The following MAML2 variants were observed in gnomAD, a reference collection of about 807,000 sequenced individuals.
MAML2 encodes mastermind-like protein 2.
Under a neutral mutation model 96.1 loss-of-function variants are expected in MAML2, and 22 were observed. The ratio of observed to expected loss-of-function variants is 0.23; its 90% confidence interval spans 0.16 to 0.33. MAML2 has a LOEUF of 0.33. MAML2 is among the 10% of genes least tolerant of loss of function. The pLI is 1.00. For synonymous variants in MAML2, 561 were observed against 521.3 expected (o/e 1.08, Z -1.04); for missense variants, 1,367 against 1,392.4 (o/e 0.98, Z 0.29).
Position 95,979,700 on chromosome 11 carries a change from T to C in MAML2, c.2719A>G (p.Met907Val), listed in dbSNP as rs375948497. The change falls in exon 5 of 5, where the codon ATG becomes GTG. Residue 907 changes from methionine (M) to valine (V), a missense_variant. Coordinates refer to ENST00000524717, the MANE Select transcript of MAML2 (RefSeq NM_032427.4). ...CCTAAGGTAGGTGGCCGTGGCATCA[T>C]AGGGTTGTTTTGATTTGCTAACAAT... ...KQLLANQNNP[M>V]MPRPPTLGPS... 3.7e-6 allele frequency: 6 copies of C among 1,613,854 alleles called. No homozygotes were observed. The highest frequency in any genetic ancestry group is 2.7e-5 in the African/African-American group (2 of 74,922).
At chr11:96,268,423 G>C (rs759184483) in intron 1 of MAML2, among the ~76,000 whole-genome samples, 19 of 152,300 alleles carry the variant, frequency 1.2e-4, no homozygotes, top group Non-Finnish European at 2.5e-4. Flanking sequence ...GGAGTTTGAG[G>C]TTACAGTGAG....
intron 1 of MAML2, among the ~76,000 whole-genome samples, chr11:96,136,771 T>A (rs1023277322): frequency 6.6e-6 from 1 of 152,234 alleles, no homozygotes; most frequent in African/African-American, 2.4e-5. Flanking sequence ...TTCCTGTAAA[T>A]AACTTTACAC....
At chr11:96,134,595 A>C (rs1860598497) in intron 1 of MAML2, among the ~76,000 whole-genome samples, 1 of 152,250 alleles carries the variant, frequency 6.6e-6, no homozygotes, top group African/African-American at 2.4e-5. Flanking sequence ...TATGTAAATT[A>C]GTCTATACTT....
chr11:96,010,639 G>GT (rs1471880943), intron 2 of MAML2, among the ~76,000 whole-genome samples: 4 of 152,300 alleles, frequency 2.6e-5, no homozygotes, highest in Admixed American at 1.3e-4. Context: ...GAGACACATA[G>GT]TATTTTGAAC....
At chr11:96,126,056 C>T (rs1324601198) in intron 1 of MAML2, among the ~76,000 whole-genome samples, 1 of 152,154 alleles carries the variant, frequency 6.6e-6, no homozygotes. Context: ...AAAAAGCTTT[C>T]CTTCTGATAC....
intron 2 of MAML2, among the ~76,000 whole-genome samples, chr11:96,009,878 C>A (rs1336526821): frequency 1.3e-5 from 2 of 152,114 alleles, no homozygotes; most frequent in African/African-American, 4.8e-5. Context: ...ACCAATTTTA[C>A]AAAAAGGTCA....
intron 1 of MAML2, among the ~76,000 whole-genome samples, chr11:96,184,795 T>C (rs915517980): frequency 6.6e-6 from 1 of 152,018 alleles, no homozygotes; most frequent in African/African-American, 2.4e-5. Flanking sequence ...TTCACCGTGT[T>C]AGCCAGGATG....
At chr11:96,022,653 C>T (rs1328091520) in intron 2 of MAML2, among the ~76,000 whole-genome samples, 1 of 152,184 alleles carries the variant, frequency 6.6e-6, no homozygotes, top group African/African-American at 2.4e-5. Flanking sequence ...TGAGTGCTGG[C>T]TCTGCCACTT....
intron 1 of MAML2, among the ~76,000 whole-genome samples, chr11:96,134,013 G>T (rs1209313148): frequency 6.6e-6 from 1 of 151,788 alleles, no homozygotes; most frequent in African/African-American, 2.4e-5. Context: ...AAAAAAAAAA[G>T]AAAACAGAAA....
At chr11:96,018,636 G>A (rs1400462987) in intron 2 of MAML2, among the ~76,000 whole-genome samples, 10 of 152,270 alleles carry the variant, frequency 6.6e-5, no homozygotes, top group Non-Finnish European at 1.3e-4. Context: ...AAGCTCCGTC[G>A]CCCAGGCTGG....
intron 1 of MAML2, among the ~76,000 whole-genome samples, chr11:96,095,014 A>G (rs976576850): frequency 6.6e-6 from 1 of 152,246 alleles, no homozygotes; most frequent in Non-Finnish European, 1.5e-5. Context: ...CCCATTAGAA[A>G]GGTATTATTA....
chr11:96,089,448 A>C (rs868403416), intron 2 of MAML2, among the ~76,000 whole-genome samples: 16 of 152,182 alleles, frequency 1.1e-4, no homozygotes, highest in African/African-American at 3.9e-4. Context: ...TTTGACCCAA[A>C]GCAGCATTAC....
In MAML2 at chr11:96,092,831, A is replaced by G. The variant is rs1859749776; in HGVS notation, c.1200T>C (p.Thr400=). The G allele has an allele frequency of 1.2e-6, 2 of 1,609,010 alleles. No individual in the cohort carries two copies. Among genetic ancestry groups the G allele is most frequent in the South Asian group, 1.1e-5 (1 of 90,340 alleles). ...GAGGGACTGAAGGGATTGGAGACGA[A>G]GTGGAGAGGGCAGAGTTGGCCATGG... ...AFSMANSALS[T]SSPIPSVPQS... The change falls in exon 2 of 5, where the codon ACT becomes ACC. Residue 400 remains threonine, a synonymous_variant. Coordinates refer to ENST00000524717, the MANE Select transcript of MAML2 (RefSeq NM_032427.4). The surrounding 1 kb of genome is among the most constrained non-coding windows in gnomAD (Gnocchi z 4.1).
At chr11:96,283,130 T>G (rs932060293) in intron 1 of MAML2, among the ~76,000 whole-genome samples, 13 of 152,172 alleles carry the variant, frequency 8.5e-5, no homozygotes, top group African/African-American at 3.1e-4. Context: ...CTTATAAAAT[T>G]TAAAACTAAA....
intron 1 of MAML2, among the ~76,000 whole-genome samples, chr11:96,142,526 A>T (rs527589643): frequency 6.6e-6 from 1 of 152,354 alleles, no homozygotes; most frequent in South Asian, 2.1e-4. Flanking sequence ...CTCAGGTTCC[A>T]GTACGATGTT....
intron 1 of MAML2, among the ~76,000 whole-genome samples, chr11:96,273,763 A>G (rs2135981175): frequency 6.6e-6 from 1 of 152,298 alleles, no homozygotes; most frequent in Non-Finnish European, 1.5e-5. Context: ...GACAATTTGT[A>G]GGATGCCTGG....
At position 96,092,790 on chromosome 11, in the gene MAML2, G is replaced by C; in HGVS notation, c.1241C>G (p.Pro414Arg). The C allele has an allele frequency of 6.2e-7, 1 of 1,612,402 alleles. No individual in the cohort carries two copies. Among genetic ancestry groups the C allele is most frequent in the Non-Finnish European group, 8.5e-7 (1 of 1,178,834 alleles). The change falls in exon 2 of 5, where the codon CCT becomes CGT. Residue 414 changes from proline (P) to arginine (R), a missense_variant. Coordinates refer to ENST00000524717, the MANE Select transcript of MAML2 (RefSeq NM_032427.4). The surrounding 1 kb of genome is among the most constrained non-coding windows in gnomAD (Gnocchi z 4.1). Reference protein sequence around the residue: ...IPSVPQSQAQPQTGSGASRAL... With the variant: ...IPSVPQSQAQRQTGSGASRAL... ...CCGGCTTGCTCCGGAGCCTGTCTGA[G>C]GCTGAGCCTGGCTCTGAGGGACTGA... is the stretch of plus-strand genomic sequence containing the variant.
At chr11:96,112,246 C>T (rs533783160) in intron 1 of MAML2, among the ~76,000 whole-genome samples, 3 of 152,334 alleles carry the variant, frequency 2.0e-5, no homozygotes, top group Admixed American at 2.0e-4. Flanking sequence ...CTTGACAGGG[C>T]CTTGAAGAAA....
rs74628569 is a variant in MAML2 at position 96,129,388 on chromosome 11, G to A, written c.514-35871C>T. 6.1e-3 allele frequency among the ~76,000 whole-genome samples: 936 copies of A among 152,200 alleles called. 13 individuals are homozygous for A. Among genetic ancestry groups the A allele is most frequent in the African/African-American group, 0.021 (855 of 41,528 alleles). On this transcript the variant is annotated intron_variant, in intron 1 of 4. Transcript: ENST00000524717. Reference sequence around the variant, plus strand: ...AGGTCTGAGGTGGGCCTAAGAATCCGGATTTCTAACAAGTTTCCATGTGAT... The same window carrying A: ...AGGTCTGAGGTGGGCCTAAGAATCCAGATTTCTAACAAGTTTCCATGTGAT...
Sources: allele counts gnomAD v4.1 joint callset (sites outside exome capture counted in the v4.1 genomes callset), GRCh38; gene constraint gnomAD v4.1.1; non-coding constraint Gnocchi (gnomAD v3.1); transcripts MANE v1.5; gene names NCBI Gene and HGNC (gene_info 2026-07-23, HGNC 2026-07-21).